MTA1: variants seen among roughly 807,000 people sequenced by gnomAD.
MTA1 encodes metastasis-associated protein MTA1.
MTA1 carries 15 observed loss-of-function variants against 97.0 expected under a neutral mutation model. The observed-to-expected ratio is 0.15, with a 90% confidence interval of 0.10 to 0.24. MTA1 has a LOEUF of 0.24. Ranked by LOEUF, MTA1 falls within the 10% of genes least tolerant of loss-of-function variation. MTA1 has a pLI of 1.00. For synonymous variants in MTA1, 435 were observed against 417.5 expected (o/e 1.04, Z -0.51); for missense variants, 709 against 1,015.1 (o/e 0.70, Z 4.10).
At chr14:105,459,026 C>A (rs1384989184) in intron 8 of MTA1, among the ~76,000 whole-genome samples, 4 of 150,074 alleles carry the variant, frequency 2.7e-5, no homozygotes, top group Non-Finnish European at 5.9e-5. Flanking sequence ...CCGCGCTGCC[C>A]GTGGCCCCTG....
intron 6 of MTA1, among the ~76,000 whole-genome samples, chr14:105,452,644 TG>T: frequency 6.6e-6 from 1 of 152,294 alleles, no homozygotes; most frequent in African/African-American, 2.4e-5. Context: ...ATCGCACCAC[TG>T]TACTCTATCT....
chr14:105,432,034 A>G (rs78514343), intron 1 of MTA1, among the ~76,000 whole-genome samples: 13 of 151,826 alleles, frequency 8.6e-5, no homozygotes, highest in African/African-American at 3.1e-4. Flanking sequence ...TTAAAAAAAA[A>G]CCTTTTTTAA....
intron 2 of MTA1, among the ~76,000 whole-genome samples, chr14:105,443,069 CTG>C (rs1555426195): frequency 6.6e-6 from 1 of 152,200 alleles, no homozygotes; most frequent in East Asian, 1.9e-4. Flanking sequence ...GTGTGTGTCA[CTG>C]TGATCAGATG....
chr14:105,437,786 G>A (rs896565710), intron 1 of MTA1, among the ~76,000 whole-genome samples: 2 of 152,240 alleles, frequency 1.3e-5, no homozygotes, highest in South Asian at 4.1e-4. Flanking sequence ...GTGCTGGTTC[G>A]TGAGGACATG....
intron 1 of MTA1, among the ~76,000 whole-genome samples, chr14:105,431,988 T>G (rs1238768558): frequency 6.6e-6 from 1 of 152,228 alleles, no homozygotes; most frequent in Non-Finnish European, 1.5e-5. Flanking sequence ...TGAACTTCAT[T>G]TGACCTTGTG....
chr14:105,465,125 C>T lies in MTA1; in HGVS notation c.1566C>T (p.Ser522=). The T allele has an allele frequency of 1.3e-6, 2 of 1,524,178 alleles. No individual in the cohort carries two copies. The allele number at this position is 1,524,178 out of a possible 1,614,324, so 94.4% of individuals were successfully genotyped here. A position where few individuals can be genotyped will look rare whatever the true frequency, so the allele number is the denominator to read the frequency against. The stretch of plus-strand genomic sequence containing the variant: ...CGCGGCTGCCCGAAGCCTCCCAGAG[C>T]CCGCTGGTGCTGAAGCAGGCGGTAC... The part of the protein sequence containing the change: ...CTARLPEASQ[S]PLVLKQAVRK... Residue 522 remains serine, a synonymous_variant, in exon 16 of 21, where the codon AGC becomes AGT. Transcript: ENST00000331320.
intron 7 of MTA1, among the ~76,000 whole-genome samples, chr14:105,456,631 G>A (rs1264644127): frequency 5.3e-5 from 8 of 152,220 alleles, no homozygotes; most frequent in African/African-American, 1.9e-4. Context: ...CACACTAGTT[G>A]TGCACCTGCC....
chr14:105,454,960 C>G (rs587621225), intron 7 of MTA1, among the ~76,000 whole-genome samples: 1 of 151,948 alleles, frequency 6.6e-6, no homozygotes, highest in African/African-American at 2.4e-5. Flanking sequence ...GGCTGGAATG[C>G]AGTGGTGCAA....
chr14:105,464,885 C>T (rs782077232), intron 15 of MTA1, 22 bp downstream of exon 15: 1 of 1,543,230 alleles, frequency 6.5e-7, no homozygotes, highest in East Asian at 2.3e-5. Context: ...CAACGCCCCG[C>T]TTACTCTGTT....
At chr14:105,468,439 G>A (rs1251037880) in intron 18 of MTA1, 1 of 1,201,282 alleles carries the variant, frequency 8.3e-7, no homozygotes, top group Non-Finnish European at 1.1e-6. Flanking sequence ...CTGCTTGGGA[G>A]CGCCGCAGAT....
At chr14:105,455,580 TG>T (rs1386296851) in intron 7 of MTA1, among the ~76,000 whole-genome samples, 1 of 152,244 alleles carries the variant, frequency 6.6e-6, no homozygotes, top group East Asian at 1.9e-4. Context: ...CGGGTCTTGC[TG>T]TGTCGCCCAG....
At chr14:105,429,283 A>G (rs990218785) in intron 1 of MTA1, among the ~76,000 whole-genome samples, 2 of 151,856 alleles carry the variant, frequency 1.3e-5, no homozygotes, top group African/African-American at 4.8e-5. Context: ...TGTTCACTGG[A>G]GCAGCACTTT....
chr14:105,466,820 G>A (rs1237572140), intron 18 of MTA1, 78 bp downstream of exon 18: 13 of 1,474,632 alleles, frequency 8.8e-6, no homozygotes, highest in African/African-American at 2.8e-5. Context: ...GTGTCCCCGC[G>A]GCGGGCGGCC....
At chr14:105,450,521 C>T (rs771402666) in intron 6 of MTA1, among the ~76,000 whole-genome samples, 197 bp downstream of exon 6, 22 of 152,348 alleles carry the variant, frequency 1.4e-4, no homozygotes, top group South Asian at 1.2e-3. Flanking sequence ...CCACCCTACG[C>T]GTCCAGAGTT....
chr14:105,469,011 G>A (rs1287843621), intron 18 of MTA1: 3 of 354,802 alleles, frequency 8.5e-6, no homozygotes, highest in African/African-American at 6.4e-5. Flanking sequence ...ACCTGTTTCT[G>A]GCCGGGGCTG....
intron 1 of MTA1, among the ~76,000 whole-genome samples, chr14:105,430,955 T>G (rs2082160402): frequency 6.6e-6 from 1 of 152,198 alleles, no homozygotes; most frequent in African/African-American, 2.4e-5. Flanking sequence ...GGGTTGAATA[T>G]TTGTGATAGG....
At chr14:105,450,002 C>T in intron 4 of MTA1, 56 bp from the exon 5 acceptor site, 1 of 1,609,142 alleles carries the variant, frequency 6.2e-7, no homozygotes, top group Non-Finnish European at 8.5e-7. Flanking sequence ...TGGGGTGGGC[C>T]TTGGTCTGGC....
At chr14:105,467,028 C>T (rs1414626220) in intron 18 of MTA1, 7 of 542,332 alleles carry the variant, frequency 1.3e-5, no homozygotes, top group Non-Finnish European at 2.3e-5. Context: ...TCTGCCATCG[C>T]GCTGTGACTG....
chr14:105,451,662 C>T (rs966894157), intron 6 of MTA1, among the ~76,000 whole-genome samples: 1 of 152,126 alleles, frequency 6.6e-6, no homozygotes, highest in Non-Finnish European at 1.5e-5. Flanking sequence ...CCTGTCTGCA[C>T]TGTGTCCGCC....
Sources: gnomAD v4.1 joint callset for allele counts (sites outside exome capture counted in the v4.1 genomes callset) on GRCh38, gnomAD v4.1.1 for gene constraint, MANE v1.5 for transcripts, NCBI Gene and HGNC (gene_info 2026-07-23, HGNC 2026-07-21) for gene names.